The following TLL1 variants were observed in gnomAD, a reference collection of about 807,000 sequenced individuals.
The protein encoded by TLL1 is tolloid like 1, also known as tolloid-like protein 1.
In TLL1, 49 loss-of-function variants were observed where a neutral mutation model predicts 128.2. The ratio of observed to expected loss-of-function variants is 0.38; its 90% CI spans 0.30 to 0.48. The LOEUF (loss-of-function observed/expected upper bound fraction) is 0.48, where lower values mean the gene tolerates loss of function less well. Ranked by LOEUF, TLL1 falls within the 20% of genes least tolerant of loss-of-function variation. The pLI, the probability that TLL1 is intolerant of heterozygous loss-of-function variation, is 0.96. For synonymous variants in TLL1, 454 were observed against 418.8 expected (o/e 1.08, Z -1.03); for missense variants, 1,123 against 1,242.0 (o/e 0.90, Z 1.44).
chr4:165,945,770 T>G lies in TLL1; in HGVS notation c.170-43611T>G, dbSNP rs368945626. ...AAGAACATAAATGTGTTAGGCAGAT[T>G]CGAAAGATGTCTTGCCACCTCCACC... On this transcript the variant is annotated intron_variant, in intron 1 of 20. Transcript: ENST00000061240. Among the ~76,000 whole-genome samples the G allele has an allele frequency of 3.9e-5, 6 of 152,160 alleles. No individual in the cohort carries two copies. The East Asian group carries it at 9.7e-4, about 25-fold the overall frequency.
chr4:166,006,667 A>G (rs959311892), intron 6 of TLL1, among the ~76,000 whole-genome samples: 1 of 151,746 alleles, frequency 6.6e-6, no homozygotes, highest in Non-Finnish European at 1.5e-5. Context: ...TTTCCCAAGA[A>G]TGGTTGTAAC....
intron 7 of TLL1, among the ~76,000 whole-genome samples, chr4:166,012,996 A>G (rs1737768835): frequency 1.3e-5 from 2 of 151,766 alleles, no homozygotes; most frequent in South Asian, 4.1e-4. Flanking sequence ...CCTCAGAGTA[A>G]AAGTTAAATT....
At chr4:165,920,690 T>A (rs1733004547) in intron 1 of TLL1, among the ~76,000 whole-genome samples, 1 of 152,226 alleles carries the variant, frequency 6.6e-6, no homozygotes, top group African/African-American at 2.4e-5. Flanking sequence ...TTCATTCTTA[T>A]CAAATCCTGA....
At chr4:165,924,344 T>G (rs1733176414) in intron 1 of TLL1, among the ~76,000 whole-genome samples, 1 of 152,308 alleles carries the variant, frequency 6.6e-6, no homozygotes, top group African/African-American at 2.4e-5. Flanking sequence ...GCTACTCTGG[T>G]GAACACATGA....
intron 1 of TLL1, among the ~76,000 whole-genome samples, chr4:165,912,404 T>C (rs1172901754): frequency 2.0e-5 from 3 of 152,218 alleles, no homozygotes; most frequent in Non-Finnish European, 4.4e-5. Context: ...TAAAACTTGA[T>C]TTGGTTTGCT....
intron 1 of TLL1, among the ~76,000 whole-genome samples, chr4:165,951,041 A>G (rs1018975263): frequency 2.0e-5 from 3 of 152,118 alleles, no homozygotes; most frequent in African/African-American, 7.2e-5. Context: ...AATAATGCAC[A>G]AATTACAAAT....
At position 165,873,903 on chromosome 4, in the gene TLL1, G is replaced by A. The variant is rs909251188; in HGVS notation, c.-2G>A. 2.3e-5 allele frequency: 37 copies of A among 1,613,612 alleles called. No individual in the cohort carries two copies. The highest frequency in any genetic ancestry group is 2.8e-5 in the Non-Finnish European group (33 of 1,180,004). On this transcript the variant is annotated 5_prime_UTR_variant, in exon 1 of 21. Coordinates refer to ENST00000061240, the MANE Select transcript of TLL1 (RefSeq NM_012464.5). Reference sequence around the variant, plus strand: ...CCCCTCCTTTTCCTCCGGGGGAGGAGGATGGGGTTGGGAACGCTTTCCCCG... The same window carrying A: ...CCCCTCCTTTTCCTCCGGGGGAGGAAGATGGGGTTGGGAACGCTTTCCCCG...
At chr4:165,908,183 C>T (rs1732360464) in intron 1 of TLL1, among the ~76,000 whole-genome samples, 1 of 152,192 alleles carries the variant, frequency 6.6e-6, no homozygotes, top group Non-Finnish European at 1.5e-5. Flanking sequence ...AATAATTTGA[C>T]ATTTAGAAGA....
At chr4:165,953,606 T>C (rs1317206045) in intron 1 of TLL1, among the ~76,000 whole-genome samples, 1 of 139,334 alleles carries the variant, frequency 7.2e-6, no homozygotes, top group Non-Finnish European at 1.5e-5. Flanking sequence ...ACCTTCGAGA[T>C]AGGTCATCTA....
At chr4:165,889,383 G>A (rs1194945513) in intron 1 of TLL1, among the ~76,000 whole-genome samples, 36 of 152,144 alleles carry the variant, frequency 2.4e-4, no homozygotes, top group Admixed American at 2.4e-3. Flanking sequence ...TCAGTCCTGT[G>A]CATGTGTGAT....
At position 166,091,349 on chromosome 4, in the gene TLL1, A is replaced by G. The variant is rs1741773179; in HGVS notation, c.2656+8A>G. On this transcript the variant is annotated splice_region_variant and intron_variant, in intron 19 of 20. Coordinates refer to ENST00000061240, the MANE Select transcript of TLL1 (RefSeq NM_012464.5). ...AAGCTACACATTCTACAGGTCAGCAAATTCAAGTCATGCTTCTCTTTTTTG... is the reference window on the plus strand; with the variant it reads ...AAGCTACACATTCTACAGGTCAGCAGATTCAAGTCATGCTTCTCTTTTTTG... The G allele has an allele frequency of 6.2e-7, 1 of 1,610,944 alleles. No individual in the cohort carries two copies. Among genetic ancestry groups the G allele is most frequent in the African/African-American group, 1.3e-5 (1 of 74,840 alleles).
chr4:166,023,207 T>A (rs1738323451), intron 8 of TLL1, among the ~76,000 whole-genome samples: 2 of 152,204 alleles, frequency 1.3e-5, no homozygotes, highest in African/African-American at 4.8e-5. Flanking sequence ...AAGACCAGCC[T>A]GTCCAACATG....
At position 165,949,443 on chromosome 4, in the gene TLL1, T is replaced by C. The variant is rs1011054498; in HGVS notation, c.170-39938T>C. ...CCAGACTTCTGACCAACAGAAACTA[T>C]GAAATAATAAATGAGTATTGTTTTA... On this transcript the variant is annotated intron_variant, in intron 1 of 20. Coordinates refer to ENST00000061240, the MANE Select transcript of TLL1 (RefSeq NM_012464.5). 2.0e-5 allele frequency among the ~76,000 whole-genome samples: 3 copies of C among 152,086 alleles called. No individual in the cohort carries two copies. In the East Asian group the frequency reaches 5.8e-4, roughly 29 times the overall value.
At position 166,051,299 on chromosome 4, in the gene TLL1, T is replaced by TTTCCTTCCTTCCTTCC. The variant is rs143837084; in HGVS notation, c.1525-3765_1525-3750dup. 9.1e-3 allele frequency among the ~76,000 whole-genome samples: 1,154 copies of TTTCCTTCCTTCCTTCC among 126,504 alleles called. 10 individuals are homozygous for TTTCCTTCCTTCCTTCC. The highest frequency in any genetic ancestry group is 0.013 in the Non-Finnish European group (776 of 60,218). The allele number at this position is 126,504 out of a possible 152,430, so 83.0% of individuals were successfully genotyped here. ...CCTCCCTTCTTTCTTCCCTCCCTCC[T>TTTCCTTCCTTCCTTCC]TTCCTTCCTTCCTTCCTTCCTTCCT... is the stretch of plus-strand genomic sequence containing the variant. On this transcript the variant is annotated intron_variant, in intron 12 of 20. Coordinates refer to ENST00000061240, the MANE Select transcript of TLL1 (RefSeq NM_012464.5).
rs1736553184 is a variant in TLL1, at chr4:165,989,763, C to T, written c.280+272C>T. On this transcript the variant is annotated intron_variant, in intron 2 of 20. Coordinates refer to ENST00000061240, the MANE Select transcript of TLL1 (RefSeq NM_012464.5). ...TAATTCTCTGAATCTTCATGACAAC[C>T]CCCTCAGGGTAGTTACTAATATTAC... 3.3e-5 allele frequency among the ~76,000 whole-genome samples: 5 copies of T among 151,366 alleles called. No individual in the cohort carries two copies. The South Asian group carries it at 1.0e-3, about 32-fold the overall frequency.
intron 1 of TLL1, among the ~76,000 whole-genome samples, chr4:165,920,920 T>C (rs567207724): frequency 2.8e-4 from 42 of 152,334 alleles, no homozygotes; most frequent in Middle Eastern, 3.4e-3. Context: ...CCAACTTAGA[T>C]AAATTTGAGC....
intron 1 of TLL1, among the ~76,000 whole-genome samples, chr4:165,914,825 A>G (rs1401361165): frequency 6.6e-6 from 1 of 152,190 alleles, no homozygotes; most frequent in Admixed American, 6.5e-5. Context: ...ATCAGCAAAC[A>G]AATCTGCCCT....
chr4:165,923,421 C>CTTTTTTTTTTTTTGTTTTT (rs1733128167), intron 1 of TLL1, among the ~76,000 whole-genome samples: 1 of 70,832 alleles, frequency 1.4e-5, no homozygotes, highest in East Asian at 8.1e-4. Flanking sequence ...ATAGGTATAC[C>CTTTTTTTTTTTTTGTTTTT]TTTTTTTTTT....
rs1415990170 is a variant in TLL1 at position 166,075,950 on chromosome 4, C to T, written c.2314+947C>T. On this transcript the variant is annotated intron_variant, in intron 17 of 20. Transcript: ENST00000061240. ...TACATTGTGCAGAATCATATACAAA[C>T]AGGAATTTTTCTTTCTCTGCTTTCA... 2.6e-5 allele frequency among the ~76,000 whole-genome samples: 4 copies of T among 152,222 alleles called. No homozygotes were observed. The East Asian group carries it at 5.8e-4, about 22-fold the overall frequency.
Sources: gnomAD v4.1 joint callset for allele counts (sites outside exome capture counted in the v4.1 genomes callset) on GRCh38, gnomAD v4.1.1 for gene constraint, MANE v1.5 for transcripts, NCBI Gene and HGNC (gene_info 2026-07-23, HGNC 2026-07-21) for gene names.